The following WDFY3 variants were observed in gnomAD, a reference collection of about 807,000 sequenced individuals.
WDFY3 encodes the protein WD repeat and FYVE domain containing 3.
A neutral mutation model predicts 409.6 loss-of-function variants in WDFY3; 66 were observed. The ratio of observed to expected loss-of-function variants is 0.16; its 90% CI spans 0.13 to 0.20. The LOEUF (loss-of-function observed/expected upper bound fraction) is 0.20, where lower values mean the gene tolerates loss of function less well. Among genes scored for constraint, WDFY3 ranks in the 10% least tolerant of loss-of-function variants. WDFY3 has a pLI of 1.00. For synonymous variants in WDFY3, 1,521 were observed against 1,537.1 expected (o/e 0.99, Z 0.25); for missense variants, 3,031 against 4,298.1 (o/e 0.71, Z 8.24).
At chr4:84,771,257 C>T (rs191281570) in intron 30 of WDFY3, among the ~76,000 whole-genome samples, 1 of 152,166 alleles carries the variant, frequency 6.6e-6, no homozygotes, top group South Asian at 2.1e-4. Context: ...CCCACTGCAG[C>T]CTTCTGAGTA....
intron 27 of WDFY3, among the ~76,000 whole-genome samples, chr4:84,775,698 C>A (rs1359435986): frequency 1.3e-5 from 2 of 151,418 alleles, no homozygotes; most frequent in African/African-American, 4.8e-5. Context: ...CAGGAAAAAT[C>A]ATTGAAGAAA....
In WDFY3 at chr4:84,869,906, C is replaced by G. The variant is rs141259904; in HGVS notation, c.-31-9284G>C. ...CAAATAAAAACAAAGTACAATTTTT[C>G]ATCATTACTTTGGTAAAACTAATAG... On this transcript the variant is annotated intron_variant, in intron 3 of 67. Transcript: ENST00000295888. Among the ~76,000 whole-genome samples the G allele has an allele frequency of 4.8e-3, 728 of 152,266 alleles. 4 individuals are homozygous for G. Among genetic ancestry groups the G allele is most frequent in the African/African-American group, 0.016 (682 of 41,568 alleles).
At chr4:84,682,660 C>T (rs1578117281) in intron 63 of WDFY3, 190 bp from the exon 64 acceptor site, 1 of 582,038 alleles carries the variant, frequency 1.7e-6, no homozygotes, top group East Asian at 3.0e-5. Flanking sequence ...TTTCAAAGTA[C>T]AGGGAAAAAG....
rs1203493309 is a variant in WDFY3, at chr4:84,873,773, GTTTT to G, written c.-31-13155_-31-13152del. ...ACTGGTGTCTTGTTCGTTTTTTTGT[GTTTT>G]TTTTTTGTTTGTTTGTTTGTTTTGA... On this transcript the variant is annotated intron_variant, in intron 3 of 67. Transcript: ENST00000295888. 4.3e-3 allele frequency among the ~76,000 whole-genome samples: 639 copies of G among 149,808 alleles called. 2 individuals carry two copies. The highest frequency in any genetic ancestry group is 0.014 in the African/African-American group (557 of 40,388).
chr4:84,878,459 A>G (rs1383571516), intron 3 of WDFY3, among the ~76,000 whole-genome samples: 2 of 152,238 alleles, frequency 1.3e-5, no homozygotes, highest in Non-Finnish European at 2.9e-5. Context: ...ATCAACAAAA[A>G]TAATAATGGT....
At chr4:84,851,911 G>A (rs1759075919) in intron 4 of WDFY3, among the ~76,000 whole-genome samples, 1 of 118,534 alleles carries the variant, frequency 8.4e-6, no homozygotes, top group Admixed American at 9.2e-5. Context: ...GTAAGAGACT[G>A]GCAACAATAA....
At chr4:84,779,644 C>T (rs1198461172) in intron 26 of WDFY3, among the ~76,000 whole-genome samples, 1 of 151,984 alleles carries the variant, frequency 6.6e-6, no homozygotes, top group Non-Finnish European at 1.5e-5. Flanking sequence ...TTTCACGTCT[C>T]CTGAGTAAGT....
intron 3 of WDFY3, among the ~76,000 whole-genome samples, chr4:84,870,100 G>A (rs957203779): frequency 2.0e-5 from 3 of 152,164 alleles, no homozygotes; most frequent in African/African-American, 7.2e-5. Context: ...GAAAAAGTTG[G>A]AAACAGTCTA....
At chr4:84,789,632 A>AACAT in intron 22 of WDFY3, 94 bp downstream of exon 22, 1 of 1,014,706 alleles carries the variant, frequency 9.9e-7, no homozygotes, top group Non-Finnish European at 1.4e-6. Flanking sequence ...ATATCCCTGT[A>AACAT]ACACACACAC....
At chr4:84,823,216 CA>C (rs890349543) in intron 10 of WDFY3, among the ~76,000 whole-genome samples, 4 of 152,178 alleles carry the variant, frequency 2.6e-5, no homozygotes, top group African/African-American at 9.6e-5. Context: ...ATATTTTCAA[CA>C]AAGGGTCTTG....
chr4:84,833,534 T>C (rs1756071104), intron 7 of WDFY3, among the ~76,000 whole-genome samples: 1 of 151,952 alleles, frequency 6.6e-6, no homozygotes, highest in Non-Finnish European at 1.5e-5. Context: ...CTAGGCATGG[T>C]GGCAAGTTAC....
chr4:84,686,898 G>A lies in WDFY3; in HGVS notation c.9543+1188C>T, dbSNP rs569141271. ...GACCATCTTAGCAATGAATCCCCTC[G>A]TCTGCTTCAGGTAGGCTTGGTATGT... is the stretch of plus-strand genomic sequence containing the variant. On this transcript the variant is annotated intron_variant, in intron 62 of 67. Transcript: ENST00000295888. Among the ~76,000 whole-genome samples the A allele has an allele frequency of 5.9e-5, 9 of 152,168 alleles. No individual in the cohort carries two copies. The South Asian group carries it at 1.0e-3, about 18-fold the overall frequency.
At chr4:84,794,129 A>C (rs1748974871) in intron 21 of WDFY3, among the ~76,000 whole-genome samples, 2 of 152,234 alleles carry the variant, frequency 1.3e-5, no homozygotes, top group African/African-American at 4.8e-5. Flanking sequence ...GGATAAGGTA[A>C]TTGAAATGTT....
chr4:84,737,069 T>G, intron 41 of WDFY3, 115 bp downstream of exon 41: 7 of 1,114,118 alleles, frequency 6.3e-6, no homozygotes, highest in Non-Finnish European at 8.9e-6. Context: ...TATATTGATT[T>G]TAAGGATGAC....
chr4:84,795,736 T>G (rs1455689853), intron 19 of WDFY3, among the ~76,000 whole-genome samples: 1 of 151,402 alleles, frequency 6.6e-6, no homozygotes, highest in African/African-American at 2.4e-5. Flanking sequence ...CACTCCAGCC[T>G]GGGTGACAGG....
At chr4:84,719,892 T>C (rs1734563819) in intron 47 of WDFY3, among the ~76,000 whole-genome samples, 1 of 152,186 alleles carries the variant, frequency 6.6e-6, no homozygotes, top group African/African-American at 2.4e-5. Flanking sequence ...CATTCAATAT[T>C]AATTAGGGCA....
intron 55 of WDFY3, 30 bp downstream of exon 55, chr4:84,704,308 A>C (rs1462176530): frequency 1.3e-6 from 2 of 1,511,134 alleles, no homozygotes; most frequent in Non-Finnish European, 1.8e-6. Flanking sequence ...GCTTGTATAA[A>C]ATAGAAAAAC....
intron 2 of WDFY3, among the ~76,000 whole-genome samples, chr4:84,927,637 T>C (rs1267711952): frequency 1.3e-5 from 2 of 152,268 alleles, no homozygotes; most frequent in Non-Finnish European, 2.9e-5. Flanking sequence ...GTTTCCCCCA[T>C]GCTGTTGTTG....
chr4:84,680,028 C>T (rs1406169609), intron 64 of WDFY3, among the ~76,000 whole-genome samples: 3 of 151,830 alleles, frequency 2.0e-5, no homozygotes, highest in African/African-American at 7.3e-5. Context: ...GTAGCTAGGA[C>T]TACAGGCACC....
Sources: gnomAD v4.1 joint callset for allele counts (sites outside exome capture counted in the v4.1 genomes callset) on GRCh38, gnomAD v4.1.1 for gene constraint, MANE v1.5 for transcripts, NCBI Gene and HGNC (gene_info 2026-07-23, HGNC 2026-07-21) for gene names.